The following CCDC175 variants were observed in gnomAD, a reference collection of about 807,000 sequenced individuals.
CCDC175 encodes coiled-coil domain-containing protein 175.
CCDC175 carries 100 observed loss-of-function variants against 114.6 expected under a neutral mutation model. That is an observed-to-expected ratio of 0.87 (90% CI 0.74 to 1.03). CCDC175 has a LOEUF of 1.03. CCDC175 is among the 50% of genes least tolerant of loss of function. CCDC175 has a pLI of 0.00. For synonymous variants in CCDC175, 306 were observed against 308.7 expected, an observed-to-expected ratio of 0.99 and a Z score of 0.09; for missense variants, 880 against 917.8, an observed-to-expected ratio of 0.96 and a Z score of 0.53.
At chr14:59,513,337 T>G (rs1892860341) in intron 17 of CCDC175, among the ~76,000 whole-genome samples, 1 of 152,022 alleles carries the variant, frequency 6.6e-6, no homozygotes, top group African/African-American at 2.4e-5. Context: ...GTGGGTGCAG[T>G]GCACCGAGTG....
chr14:59,544,895 G>A (rs1402321410), intron 9 of CCDC175, among the ~76,000 whole-genome samples: 1 of 152,192 alleles, frequency 6.6e-6, no homozygotes, highest in Non-Finnish European at 1.5e-5. Flanking sequence ...CTGGGTGGCT[G>A]TAAGCTAGAA....
chr14:59,511,718 TATG>T, intron 18 of CCDC175, 39 bp downstream of exon 18: 2 of 1,496,048 alleles, frequency 1.3e-6, no homozygotes, highest in Non-Finnish European at 1.8e-6. Flanking sequence ...TTTTTGGAAA[TATG>T]ATATTTATAT....
At chr14:59,520,267 T>C (rs893880637) in intron 17 of CCDC175, among the ~76,000 whole-genome samples, 2 of 152,198 alleles carry the variant, frequency 1.3e-5, no homozygotes, top group Admixed American at 6.5e-5. Flanking sequence ...TACATACCTA[T>C]TAAAATGACC....
At chr14:59,517,793 C>G (rs1893189267) in intron 17 of CCDC175, among the ~76,000 whole-genome samples, 2 of 152,164 alleles carry the variant, frequency 1.3e-5, no homozygotes, top group Non-Finnish European at 1.5e-5. Context: ...CTACCAATGA[C>G]TTTCTTCACA....
intron 14 of CCDC175, among the ~76,000 whole-genome samples, chr14:59,529,111 G>A (rs1489238399): frequency 6.6e-6 from 1 of 152,122 alleles, no homozygotes; most frequent in African/African-American, 2.4e-5. Flanking sequence ...GCCATTTGAG[G>A]GGACCATCGA....
chr14:59,575,124 G>C, intron 1 of CCDC175, 96 bp from the exon 2 acceptor site: 1 of 606,526 alleles, frequency 1.6e-6, no homozygotes, highest in Non-Finnish European at 2.8e-6. Context: ...TCGGCTGGAA[G>C]TTACATCTTC....
intron 1 of CCDC175, 60 bp from the exon 2 acceptor site, chr14:59,575,088 T>A: frequency 1.1e-6 from 1 of 914,900 alleles, no homozygotes; most frequent in Non-Finnish European, 1.6e-6. Context: ...CTACTTAACC[T>A]TTTATGATCT....
intron 15 of CCDC175, among the ~76,000 whole-genome samples, chr14:59,526,591 A>G (rs1018584581): frequency 6.6e-6 from 1 of 152,076 alleles, no homozygotes; most frequent in African/African-American, 2.4e-5. Flanking sequence ...ATATCAATGC[A>G]TCTCAGAGAA....
intron 17 of CCDC175, among the ~76,000 whole-genome samples, chr14:59,512,810 G>A (rs1450284270): frequency 4.0e-5 from 2 of 50,016 alleles, no homozygotes; most frequent in African/African-American, 2.1e-4. Flanking sequence ...GCAGGGGTGT[G>A]TGTGTGTGTG....
rs578059388 is a variant in CCDC175 at position 59,533,670 on chromosome 14, G to C, written c.1624-1760C>G. 7.0e-3 allele frequency among the ~76,000 whole-genome samples: 1,072 copies of C among 152,226 alleles called. 2 individuals carry two copies. The highest frequency in any genetic ancestry group is 9.9e-3 in the Non-Finnish European group (671 of 68,020). On this transcript the variant is annotated intron_variant, in intron 13 of 19. Transcript: ENST00000537690. ...AAGCAGGAGTACATTTCTCCAGACT[G>C]CAACATTTAAGCAGGTTGAGTTAAG...
rs1896671218 is a variant in CCDC175 at position 59,568,359 on chromosome 14, C to G, written c.377G>C (p.Arg126Thr). Residue 126 changes from arginine to threonine, a missense_variant, in exon 4 of 20, where the codon AGA (arginine) becomes ACA (threonine). Arg to Thr is a moderately conservative substitution (Grantham distance 71). Transcript: ENST00000537690. ...TGTATTTATCTCAAAAAGATTTAAT[C>G]TGCGAGCGTCTCGGACACATTCTTC... ...ELEECVRDAR[R>T]LNLFEINTIK... is the part of the protein sequence containing the mutation. The G allele has an allele frequency of 6.5e-7, 1 of 1,527,916 alleles. No homozygotes were observed. Among genetic ancestry groups the G allele is most frequent in the African/African-American group, 1.4e-5 (1 of 72,300 alleles). The allele number at this position is 1,527,916 out of a possible 1,614,324, so 94.6% of individuals were successfully genotyped here.
intron 13 of CCDC175, among the ~76,000 whole-genome samples, chr14:59,533,987 T>TAAA (rs3084296): frequency 0.44 from 58,264 of 132,956 alleles, 14,407 homozygotes; most frequent in East Asian, 0.78. Context: ...AGACCCCTTT[T>TAAA]AAAAAAAAAA....
intron 5 of CCDC175, 106 bp from the exon 6 acceptor site, chr14:59,563,965 A>C (rs1172129167): frequency 1.4e-5 from 9 of 641,236 alleles, no homozygotes; most frequent in East Asian, 3.7e-5. Flanking sequence ...TAATCTAAGT[A>C]TAACATATTC....
chr14:59,548,628 A>G (rs1281981477), intron 8 of CCDC175, among the ~76,000 whole-genome samples: 1 of 152,224 alleles, frequency 6.6e-6, no homozygotes, highest in Non-Finnish European at 1.5e-5. Context: ...CTTCTGCAGT[A>G]GGAAACAAAT....
intron 14 of CCDC175, among the ~76,000 whole-genome samples, chr14:59,527,587 C>T (rs930744252): frequency 1.3e-5 from 2 of 152,218 alleles, no homozygotes; most frequent in African/African-American, 2.4e-5. Flanking sequence ...GGATTATCCC[C>T]GATGAGCCAA....
At chr14:59,513,819 A>G (rs4034219) in intron 17 of CCDC175, among the ~76,000 whole-genome samples, 68,716 of 151,926 alleles carry the variant, frequency 0.45, 16,500 homozygotes, top group African/African-American at 0.61. Flanking sequence ...AAGAGAGTAG[A>G]GGTTCTCCTA....
chr14:59,548,888 G>A (rs890630459), intron 8 of CCDC175, among the ~76,000 whole-genome samples: 1 of 152,106 alleles, frequency 6.6e-6, no homozygotes, highest in Non-Finnish European at 1.5e-5. Context: ...TGAGCCTCAG[G>A]GCATGGGTAC....
chr14:59,569,786 G>C (rs1235234286), intron 3 of CCDC175, among the ~76,000 whole-genome samples: 1 of 152,130 alleles, frequency 6.6e-6, no homozygotes, highest in African/African-American at 2.4e-5. Flanking sequence ...AAATTGAAAA[G>C]GGAAAGTTTA....
intron 13 of CCDC175, 37 bp downstream of exon 13, chr14:59,537,986 C>T (rs554927936): frequency 7.0e-7 from 1 of 1,428,824 alleles, no homozygotes; most frequent in Non-Finnish European, 9.5e-7. Context: ...CTCATGTAGT[C>T]ATCCAAAAGT....
Sources: allele counts gnomAD v4.1 joint callset (sites outside exome capture counted in the v4.1 genomes callset), GRCh38; gene constraint gnomAD v4.1.1; transcripts MANE v1.5; gene names NCBI Gene and HGNC (gene_info 2026-07-23, HGNC 2026-07-21).